DOCK6: variants seen among roughly 807,000 people sequenced by gnomAD.
DOCK6 encodes the protein dedicator of cytokinesis 6, also known as dedicator of cytokinesis protein 6.
In DOCK6, 167 loss-of-function variants were observed where a neutral mutation model predicts 230.3. The observed-to-expected ratio is 0.73, with a 90% confidence interval of 0.64 to 0.82. DOCK6 has a LOEUF of 0.82. Among genes scored for constraint, DOCK6 ranks in the 40% least tolerant of loss-of-function variants. The probability of loss-of-function intolerance (pLI) is 0.00; values close to 1 mark genes in which losing one functional copy is unlikely to be tolerated. For missense variants in DOCK6, 2,598 were observed against 2,825.8 expected, an observed-to-expected ratio of 0.92 and a Z score of 1.83; for synonymous variants, 1,148 against 1,185.0, an observed-to-expected ratio of 0.97 and a Z score of 0.64.
At chr19:11,209,227 C>G in intron 37 of DOCK6, 124 bp from the exon 38 acceptor site, 1 of 1,088,980 alleles carries the variant, frequency 9.2e-7, no homozygotes, top group Non-Finnish European at 1.3e-6. Context: ...CCAATCTCCT[C>G]ACCTGTACCC....
At chr19:11,251,811 A>T (rs2080121737) in intron 5 of DOCK6, 1 of 342,024 alleles carries the variant, frequency 2.9e-6, no homozygotes, top group Non-Finnish European at 5.4e-6. Context: ...TGCTCAGTAA[A>T]TGTTGATTGA....
intron 7 of DOCK6, chr19:11,247,408 G>A (rs2080052175): frequency 6.6e-6 from 1 of 152,436 alleles, no homozygotes; most frequent in African/African-American, 2.4e-5. Context: ...AGTGTTTGTT[G>A]AATGACTGGA....
intron 1 of DOCK6, among the ~76,000 whole-genome samples, chr19:11,257,236 A>T (rs1174298865): frequency 6.6e-6 from 1 of 151,368 alleles, no homozygotes; most frequent in African/African-American, 2.4e-5. Context: ...ACCTTCCGTG[A>T]TCTTCCCGCC....
chr19:11,240,289 T>A, intron 14 of DOCK6: 1 of 1,575,434 alleles, frequency 6.3e-7, no homozygotes, highest in Non-Finnish European at 8.6e-7. Flanking sequence ...GAATTTGAGG[T>A]CTTAAAGGTA....
At chr19:11,208,875 G>A (rs1301322898) in intron 38 of DOCK6, 36 bp downstream of exon 38, 9 of 1,598,556 alleles carry the variant, frequency 5.6e-6, no homozygotes, top group African/African-American at 1.3e-5. Context: ...CACTGCACTC[G>A]TGCCGTCCGC....
chr19:11,239,901 C>T, intron 14 of DOCK6: 1 of 1,591,266 alleles, frequency 6.3e-7, no homozygotes, highest in Non-Finnish European at 8.6e-7. Context: ...GGGATGCAGC[C>T]CAGGAACTTC....
chr19:11,216,829 C>T (rs2147765374), intron 30 of DOCK6, 85 bp downstream of exon 30: 1 of 1,405,002 alleles, frequency 7.1e-7, no homozygotes, highest in Non-Finnish European at 1.0e-6. Flanking sequence ...CAGTCCACCC[C>T]TTCCCACTCA....
At chr19:11,217,180 T>C (rs1334269391) in intron 29 of DOCK6, 51 bp downstream of exon 29, 24 of 1,600,064 alleles carry the variant, frequency 1.5e-5, no homozygotes, top group Non-Finnish European at 2.0e-5. Flanking sequence ...GATACATGAC[T>C]TCTCTCATTC....
intron 1 of DOCK6, among the ~76,000 whole-genome samples, chr19:11,262,005 G>A (rs1049830406): frequency 2.0e-5 from 3 of 152,160 alleles, no homozygotes; most frequent in African/African-American, 7.2e-5. Flanking sequence ...CAGAAAGTCC[G>A]GCCCACCCCG....
Position 11,222,609 on chromosome 19 carries a change from TAAGGG to T in DOCK6, c.3240+121_3240+125del. 9.2e-7 allele frequency: 1 copy of T among 1,089,784 alleles called. No homozygotes were observed. The highest frequency in any genetic ancestry group is 1.3e-6 in the Non-Finnish European group (1 of 778,502). The allele number at this position is 1,089,784 out of a possible 1,614,324, so 67.5% of individuals were successfully genotyped here. On this transcript the variant is annotated intron_variant, in intron 26 of 47. Transcript: ENST00000294618. This position sits in a 1 kb window ranked among gnomAD's most constrained non-coding sequence, Gnocchi z 4.0. ...AGGGTCAGAAGTCAAAAGTCAAACA[TAAGGG>T]ATTAGTTCACCTAGGCAGTGGTCCA...
intron 34 of DOCK6, 22 bp downstream of exon 34, chr19:11,214,253 A>G (rs78022817): frequency 1.3e-5 from 21 of 1,586,892 alleles, no homozygotes; most frequent in Non-Finnish European, 1.6e-5. Context: ...TCTAAGAATC[A>G]TGGTTGTTGA....
At chr19:11,203,867 T>A (rs2079212120) in intron 41 of DOCK6, 2 of 613,174 alleles carry the variant, frequency 3.3e-6, no homozygotes, top group Non-Finnish European at 5.6e-6. Flanking sequence ...CCCAGCTGGG[T>A]GAGTCACAAG....
At chr19:11,249,545 T>C (rs2080085067) in intron 6 of DOCK6, among the ~76,000 whole-genome samples, 1 of 151,066 alleles carries the variant, frequency 6.6e-6, no homozygotes, top group Admixed American at 6.6e-5. Context: ...TTTTTTACCT[T>C]TCCTATGGTG....
rs1256391284 is a variant in DOCK6 at position 11,238,323 on chromosome 19, G to C, written c.1644-19C>G. The C allele has an allele frequency of 6.3e-7, 1 of 1,583,476 alleles. No homozygotes were observed. Reference sequence around the variant, plus strand: ...CAGGTTCCTGTGGGGGGCAGGATGGGGGTGTCAGAGGGACAGGGGCCCTGA... The same window carrying C: ...CAGGTTCCTGTGGGGGGCAGGATGGCGGTGTCAGAGGGACAGGGGCCCTGA... On this transcript the variant is annotated intron_variant, in intron 14 of 47. Coordinates refer to ENST00000294618, the MANE Select transcript of DOCK6 (RefSeq NM_020812.4).
chr19:11,212,137 C>T lies in DOCK6; in HGVS notation c.4506G>A (p.Val1502=), dbSNP rs2079397998. 7 of 1,610,024 alleles carry T rather than the reference C, an allele frequency of 4.3e-6. No individual in the cohort carries two copies. Among genetic ancestry groups the T allele is most frequent in the Non-Finnish European group, 5.9e-6 (7 of 1,179,448 alleles). ...AGAGAGACATGGTGACCTGCATCTT[C>T]ACACGGGCAAAGTTCTGCAGGGACA... ...NFEIGHNFAR[V]KMQVTMSLSS... Residue 1502 remains valine, a synonymous_variant, in exon 36 of 48, where the codon GTG becomes GTA. Transcript: ENST00000294618.
Position 11,200,539 on chromosome 19 carries a change from G to C in DOCK6, c.5940-70C>G. On this transcript the variant is annotated intron_variant, in intron 46 of 47. Transcript: ENST00000294618. This position sits in a 1 kb window ranked among gnomAD's most constrained non-coding sequence, Gnocchi z 4.3. ...ACTGAAAGCAAGACTAGGGGTGGGG[G>C]CACCCATAAGGCGGGACCAGGCCTG... The C allele has an allele frequency of 6.4e-7, 1 of 1,564,360 alleles. No individual in the cohort carries two copies. The highest frequency in any genetic ancestry group is 8.7e-7 in the Non-Finnish European group (1 of 1,155,494).
chr19:11,222,037 T>C lies in DOCK6; in HGVS notation c.3381-17A>G. 6.2e-7 allele frequency: 1 copy of C among 1,606,454 alleles called. No individual in the cohort carries two copies. The highest frequency in any genetic ancestry group is 8.5e-7 in the Non-Finnish European group (1 of 1,173,888). ...AGGAATGCCCTATGGGGTAATGAGG[T>C]GCTCAGGACAGGGTGGACATGGCTC... On this transcript the variant is annotated splice_polypyrimidine_tract_variant and intron_variant, in intron 27 of 47. Coordinates refer to ENST00000294618, the MANE Select transcript of DOCK6 (RefSeq NM_020812.4). This position sits in a 1 kb window ranked among gnomAD's most constrained non-coding sequence, Gnocchi z 4.0.
At chr19:11,216,847 G>A (rs2079495993) in intron 30 of DOCK6, 67 bp downstream of exon 30, 3 of 1,539,792 alleles carry the variant, frequency 1.9e-6, no homozygotes, top group Non-Finnish European at 2.7e-6. Context: ...TCAGCCCGCA[G>A]CACGCTGGGT....
Position 11,202,080 on chromosome 19 carries a change from C to T in DOCK6, c.5497G>A (p.Glu1833Lys), listed in dbSNP as rs761230194. 3.1e-6 allele frequency: 5 copies of T among 1,613,896 alleles called. No individual in the cohort carries two copies. The East Asian group carries it at 8.9e-5, about 29-fold the overall frequency. The change falls in exon 44 of 48, where the codon GAG becomes AAG. Residue 1833 changes from glutamate (E) to lysine (K), a missense_variant. Glu to Lys is a moderately conservative substitution (Grantham distance 56). Transcript: ENST00000294618. This position sits in a 1 kb window ranked among gnomAD's most constrained non-coding sequence, Gnocchi z 5.3. ...TYVEPYFDTY[E>K]LKDRVTYFDR... The stretch of plus-strand genomic sequence containing the variant: ...AAGTAGGTCACCCGGTCCTTGAGCT[C>T]GTAGGTATCAAAGTACGGTTCCACA...
Sources: allele counts gnomAD v4.1 joint callset (sites outside exome capture counted in the v4.1 genomes callset), GRCh38; gene constraint gnomAD v4.1.1; non-coding constraint Gnocchi (gnomAD v3.1); transcripts MANE v1.5; gene names NCBI Gene and HGNC (gene_info 2026-07-23, HGNC 2026-07-21).